The following TTC39C variants were observed in gnomAD, a reference collection of about 807,000 sequenced individuals.
TTC39C encodes tetratricopeptide repeat domain 39C.
Under a neutral mutation model 76.3 loss-of-function variants are expected in TTC39C, and 33 were observed. That is an observed-to-expected ratio of 0.43 (90% CI 0.33 to 0.58). The LOEUF (loss-of-function observed/expected upper bound fraction) is 0.58, where lower values mean the gene tolerates loss of function less well. Ranked by LOEUF, TTC39C falls within the 20% of genes least tolerant of loss-of-function variation. TTC39C has a pLI of 0.04. For synonymous variants in TTC39C, 254 were observed against 260.6 expected (o/e 0.97, Z 0.24); for missense variants, 595 against 701.4 (o/e 0.85, Z 1.71).
chr18:24,015,532 G>C (rs764763169), intron 1 of TTC39C, among the ~76,000 whole-genome samples: 2 of 152,124 alleles, frequency 1.3e-5, no homozygotes, highest in Non-Finnish European at 2.9e-5. Context: ...AATTCCAGAC[G>C]CTTTTATTGT....
chr18:24,001,823 G>GTTTTTTTTTTTTTTTTT (rs750295981), intron 1 of TTC39C, among the ~76,000 whole-genome samples: 2 of 57,496 alleles, frequency 3.5e-5, no homozygotes, highest in African/African-American at 8.9e-5. Context: ...CGGTAATTCT[G>GTTTTTTTTTTTTTTTTT]TTTTTTTTTT....
chr18:24,025,929 G>C (rs753619554), intron 1 of TTC39C, among the ~76,000 whole-genome samples: 25 of 152,198 alleles, frequency 1.6e-4, no homozygotes, highest in Non-Finnish European at 3.2e-4. Context: ...CGTTGGTGAC[G>C]GCAGGCAGCA....
chr18:24,036,073 C>G (rs1213349194), intron 1 of TTC39C, among the ~76,000 whole-genome samples: 2 of 151,508 alleles, frequency 1.3e-5, no homozygotes, highest in Non-Finnish European at 2.9e-5. Context: ...GCTCTCTATT[C>G]TTTTGCATTG....
chr18:24,101,409 C>T (rs2084673052), intron 6 of TTC39C, among the ~76,000 whole-genome samples: 1 of 151,888 alleles, frequency 6.6e-6, no homozygotes, highest in Admixed American at 6.6e-5. Flanking sequence ...GAGATCGAGA[C>T]CATCCTGGCC....
Position 24,083,017 on chromosome 18 carries a change from A to G in TTC39C, c.920A>G (p.Lys307Arg). The G allele has an allele frequency of 1.2e-6, 2 of 1,614,160 alleles. No homozygotes were observed. Among genetic ancestry groups the G allele is most frequent in the Non-Finnish European group, 1.7e-6 (2 of 1,179,994 alleles). Residue 307 changes from lysine to arginine, a missense_variant, in exon 6 of 14, where the codon AAA becomes AGA. Physicochemically the swap from Lys to Arg is conservative, Grantham distance 26. Transcript: ENST00000317571. ...LDEAKEILLK[K>R]EAAYPNSSLF... The stretch of plus-strand genomic sequence containing the variant: ...GAAGCTAAGGAAATTCTCCTTAAAA[A>G]AGAAGCTGCTTATCCAAATTCTTCC...
At chr18:24,067,830 G>A (rs1261876631) in intron 3 of TTC39C, among the ~76,000 whole-genome samples, 1 of 152,106 alleles carries the variant, frequency 6.6e-6, no homozygotes, top group East Asian at 1.9e-4. Flanking sequence ...ACCAGCCATT[G>A]CCATTATAAT....
chr18:24,046,000 A>G (rs2083876978), intron 1 of TTC39C, among the ~76,000 whole-genome samples: 1 of 129,456 alleles, frequency 7.7e-6, no homozygotes, highest in African/African-American at 3.0e-5. Flanking sequence ...GTGCGACGGC[A>G]CAATCTCTGC....
intron 1 of TTC39C, among the ~76,000 whole-genome samples, chr18:24,028,144 GA>G (rs200581541): frequency 0.02 from 2,991 of 151,022 alleles, 130 homozygotes; most frequent in African/African-American, 0.069. Flanking sequence ...TAGCATAGGG[GA>G]AAAAAAAAGG....
chr18:24,032,273 A>G (rs1430931535), intron 1 of TTC39C, among the ~76,000 whole-genome samples: 1 of 152,218 alleles, frequency 6.6e-6, no homozygotes, highest in Non-Finnish European at 1.5e-5. Context: ...TACAACAGCC[A>G]CAGAAAACTA....
chr18:24,002,087 C>CT (rs974402977), intron 1 of TTC39C, among the ~76,000 whole-genome samples: 4 of 152,078 alleles, frequency 2.6e-5, no homozygotes, highest in African/African-American at 4.8e-5. Flanking sequence ...GCGCACATGT[C>CT]TTTTTTTGGA....
intron 1 of TTC39C, among the ~76,000 whole-genome samples, chr18:24,004,993 A>T (rs1197902690): frequency 2.0e-5 from 3 of 152,190 alleles, no homozygotes; most frequent in African/African-American, 7.2e-5. Flanking sequence ...ATGTATTTTC[A>T]TGCCTTCAAA....
intron 7 of TTC39C, among the ~76,000 whole-genome samples, chr18:24,116,719 G>T (rs1431712241): frequency 6.6e-6 from 1 of 151,958 alleles, no homozygotes; most frequent in Non-Finnish European, 1.5e-5. Context: ...TATTTTTTAT[G>T]GAGGCAGTAT....
intron 6 of TTC39C, among the ~76,000 whole-genome samples, chr18:24,091,615 A>G (rs189826245): frequency 5.9e-5 from 9 of 152,336 alleles, no homozygotes; most frequent in African/African-American, 2.2e-4. Flanking sequence ...CAAAAGAATA[A>G]ATAAATTGAA....
intron 1 of TTC39C, among the ~76,000 whole-genome samples, chr18:24,003,900 A>G (rs1046452196): frequency 3.3e-4 from 50 of 152,050 alleles, no homozygotes; most frequent in African/African-American, 1.1e-3. Flanking sequence ...GGGGCCTACC[A>G]CCACACCTGG....
chr18:24,117,220 A>T (rs2084904784), intron 7 of TTC39C, among the ~76,000 whole-genome samples: 1 of 152,138 alleles, frequency 6.6e-6, no homozygotes, highest in South Asian at 2.1e-4. Flanking sequence ...GGCTCAGGTG[A>T]TGGGGGCTAC....
Position 24,130,335 on chromosome 18 carries a change from A to T in TTC39C, c.1541A>T (p.Asp514Val). 1 of 1,586,930 alleles carries T rather than the reference A, an allele frequency of 6.3e-7. No individual in the cohort carries two copies. The highest frequency in any genetic ancestry group is 8.6e-7 in the Non-Finnish European group (1 of 1,168,284). ...AVQYFQRAVK[D>V]ELCRQNNLYV... ...CAGTACTTCCAGCGAGCTGTTAAAG[A>T]TGAATTGTGTCGTCAGAATAACTTA... The change falls in exon 12 of 14, where the codon GAT becomes GTT. Residue 514 changes from aspartate (D) to valine (V), a missense_variant. Transcript: ENST00000317571.
At chr18:24,113,150 C>G (rs990263440) in intron 6 of TTC39C, among the ~76,000 whole-genome samples, 1 of 152,178 alleles carries the variant, frequency 6.6e-6, no homozygotes, top group Non-Finnish European at 1.5e-5. Flanking sequence ...CATTCATAAA[C>G]GGTGATAATG....
chr18:24,089,725 A>G (rs2084494205), intron 6 of TTC39C, among the ~76,000 whole-genome samples: 1 of 152,134 alleles, frequency 6.6e-6, no homozygotes, highest in African/African-American at 2.4e-5. Flanking sequence ...CCTTGCCTAC[A>G]TGGTCCTAAG....
chr18:24,087,387 ACATGTAAG>A (rs2084454436), intron 6 of TTC39C, among the ~76,000 whole-genome samples: 1 of 152,148 alleles, frequency 6.6e-6, no homozygotes, highest in Admixed American at 6.6e-5. Flanking sequence ...TTTGTATGTG[ACATGTAAG>A]GATTTGGTTT....
Sources: allele counts gnomAD v4.1 joint callset (sites outside exome capture counted in the v4.1 genomes callset), GRCh38; gene constraint gnomAD v4.1.1; transcripts MANE v1.5; gene names NCBI Gene and HGNC (gene_info 2026-07-23, HGNC 2026-07-21).